The following FKBP11 variants were observed in gnomAD, a reference collection of about 807,000 sequenced individuals.
The protein encoded by FKBP11 is FKBP prolyl isomerase 11.
FKBP11 carries 21 observed loss-of-function variants against 24.7 expected under a neutral mutation model. That is an observed-to-expected ratio of 0.85 (90% CI 0.60 to 1.23). FKBP11 has a LOEUF of 1.23. FKBP11 is among the 50% of genes most tolerant of loss of function. The pLI, the probability that FKBP11 is intolerant of heterozygous loss-of-function variation, is 0.00. For missense variants in FKBP11, 245 were observed against 248.7 expected, an observed-to-expected ratio of 0.99 and a Z score of 0.10; for synonymous variants, 106 against 100.6, an observed-to-expected ratio of 1.05 and a Z score of -0.32.
chr12:48,926,984 AT>A (rs1939982592), upstream of FKBP11, among the ~76,000 whole-genome samples: 1 of 151,854 alleles, frequency 6.6e-6, no homozygotes, highest in African/African-American at 2.4e-5. Context: ...TAATTTTTGT[AT>A]TTTTAGTAGA....
chr12:48,931,631 A>C, the FKBP11 span: 1,235 of 641,030 alleles, frequency 1.9e-3, 5 homozygotes, highest in Non-Finnish European at 2.7e-3. Context: ...GAGAAACCCT[A>C]CCACAGTACC....
chr12:48,938,194 A>G, the FKBP11 span: 1 of 350,166 alleles, frequency 2.9e-6, no homozygotes, highest in South Asian at 2.1e-5. Context: ...AGCCCTAAGA[A>G]GGGTGGAGAG....
chr12:48,938,251 C>T, the FKBP11 span: 39 of 382,486 alleles, frequency 1.0e-4, no homozygotes, highest in South Asian at 7.2e-4. Flanking sequence ...TCTGTCCTAT[C>T]ATCCAGAAAA....
chr12:48,928,348 C>CT (rs79932575), upstream of FKBP11, among the ~76,000 whole-genome samples: 60 of 142,830 alleles, frequency 4.2e-4, no homozygotes, highest in Middle Eastern at 3.9e-3. Context: ...CCCAGCTCAC[C>CT]TTTTTTTTTT....
rs776316102 is a variant in FKBP11, at chr12:48,923,647, A to T, written c.388+135T>A. On this transcript the variant is annotated intron_variant, in intron 5 of 5. Transcript: ENST00000550765. ...AGGAAAAAGGTGGCCCTGTAGATGG[A>T]GGCCCCAGCCACTCCTATCTGTCTA... 12 of 1,569,684 alleles carry T rather than the reference A, an allele frequency of 7.6e-6. No homozygotes were observed. The South Asian group carries it at 1.4e-4, about 18-fold the overall frequency.
chr12:48,923,570 C>G, intron 5 of FKBP11: 1 of 1,551,696 alleles, frequency 6.4e-7, no homozygotes, highest in Non-Finnish European at 8.7e-7. Context: ...TGCTGGAGGT[C>G]ATGCCAGGTG....
the FKBP11 span, among the ~76,000 whole-genome samples, chr12:48,932,261 A>ATTTTT: frequency 3.3e-5 from 1 of 30,506 alleles, no homozygotes; most frequent in African/African-American, 1.6e-4. Context: ...ATATATATAT[A>ATTTTT]TTTTTTTTTT....
upstream of FKBP11, chr12:48,925,527 G>T: frequency 7.1e-7 from 1 of 1,402,988 alleles, no homozygotes; most frequent in Non-Finnish European, 9.5e-7. Flanking sequence ...GACTGGACGG[G>T]ACGGGGCGGG....
Position 48,925,029 on chromosome 12 carries a change from C to A in FKBP11, c.195+17G>T. ...CGCCCCCTCCCAGGCCCCGCCCCGG[C>A]CCCCCAGACCCCTCACCGTGTAGTG... On this transcript the variant is annotated intron_variant, in intron 2 of 5. Transcript: ENST00000550765. 1 of 1,605,710 alleles carries A rather than the reference C, an allele frequency of 6.2e-7. No individual in the cohort carries two copies. The highest frequency in any genetic ancestry group is 1.1e-5 in the South Asian group (1 of 90,498).
chr12:48,935,116 TGGAA>T, the FKBP11 span, among the ~76,000 whole-genome samples: 5 of 151,052 alleles, frequency 3.3e-5, no homozygotes, highest in Non-Finnish European at 7.4e-5. Flanking sequence ...TGGAGAAGCC[TGGAA>T]GGAGGAAAGT....
chr12:48,923,385 A>C, intron 5 of FKBP11: 1 of 1,451,712 alleles, frequency 6.9e-7, no homozygotes. Context: ...GATTATTTTT[A>C]CTGTCTCTTC....
chr12:48,930,225 C>A (rs987750997), upstream of FKBP11, among the ~76,000 whole-genome samples: 1 of 152,078 alleles, frequency 6.6e-6, no homozygotes. Flanking sequence ...TGTATATATA[C>A]CCTAAGTAAA....
intron 3 of FKBP11, 152 bp downstream of exon 3, chr12:48,924,409 C>T: frequency 2.6e-6 from 3 of 1,167,826 alleles, no homozygotes; most frequent in South Asian, 2.6e-5. Flanking sequence ...AAGTGGAGTA[C>T]TAGAAGTGAG....
rs897768050 is a variant in FKBP11 at position 48,925,119 on chromosome 12, C to A, written c.130-8G>T. On this transcript the variant is annotated splice_polypyrimidine_tract_variant and splice_region_variant and intron_variant, in intron 1 of 5. Transcript: ENST00000550765. ...TGGTTCTGGGGGCTCCACCTACGAT[C>A]GGACTACAGGGGTCACGGATGCTCT... 6.2e-7 allele frequency: 1 copy of A among 1,612,806 alleles called. No homozygotes were observed. Among genetic ancestry groups the A allele is most frequent in the Admixed American group, 1.7e-5 (1 of 59,836 alleles).
At chr12:48,932,257 ATATATTTTTTTTTTTTTTTTT>A in the FKBP11 span, among the ~76,000 whole-genome samples, 1 of 37,512 alleles carries the variant, frequency 2.7e-5, no homozygotes, top group Non-Finnish European at 4.8e-5. Flanking sequence ...ATATATATAT[ATATATTTTTTTTTTTTTTTTT>A]TTTTTTTTTT....
chr12:48,922,285 G>T, intron 5 of FKBP11, 84 bp from the exon 6 acceptor site: 1 of 1,295,056 alleles, frequency 7.7e-7, no homozygotes, highest in Non-Finnish European at 1.1e-6. Flanking sequence ...GGGAGCGTAG[G>T]CCACAGCAAA....
At chr12:48,937,866 T>C in the FKBP11 span, 1 of 155,544 alleles carries the variant, frequency 6.4e-6, no homozygotes, top group Non-Finnish European at 1.4e-5. Flanking sequence ...ATCAGAAGGG[T>C]GGTGGGGCAC....
upstream of FKBP11, chr12:48,931,291 C>T (rs1278318622): frequency 6.9e-6 from 5 of 729,708 alleles, no homozygotes; most frequent in Middle Eastern, 7.3e-4. Context: ...AGGTGGAAGG[C>T]TATTGTCTTA....
the FKBP11 span, among the ~76,000 whole-genome samples, chr12:48,932,068 T>A: frequency 6.6e-6 from 1 of 150,598 alleles, no homozygotes; most frequent in Admixed American, 6.6e-5. Context: ...TCCAGCACTT[T>A]GGGAGGCTGG....
Sources: gnomAD v4.1 joint callset for allele counts (sites outside exome capture counted in the v4.1 genomes callset) on GRCh38, gnomAD v4.1.1 for gene constraint, MANE v1.5 for transcripts, NCBI Gene and HGNC (gene_info 2026-07-23, HGNC 2026-07-21) for gene names.